Variants in VPS13B observed in about 807,000 individuals in gnomAD.
VPS13B encodes vacuolar protein sorting 13 homolog B.
In VPS13B, 285 loss-of-function variants were observed where a neutral mutation model predicts 426.4. The observed-to-expected ratio is 0.67, with a 90% CI of 0.61 to 0.74. VPS13B has a LOEUF of 0.74. Ranked by LOEUF, VPS13B falls within the 30% of genes least tolerant of loss-of-function variation. The pLI is 0.00. For missense variants in VPS13B, 4,537 were observed against 4,782.6 expected (o/e 0.95, Z 1.51); for synonymous variants, 1,676 against 1,676.4 (o/e 1.00, Z 0.01).
chr8:99,438,218 G>A (rs1198254313), intron 22 of VPS13B, among the ~76,000 whole-genome samples: 3 of 151,764 alleles, frequency 2.0e-5, no homozygotes, highest in African/African-American at 7.3e-5. Flanking sequence ...TGTCAGTCAG[G>A]GTGTCTCAAG....
intron 17 of VPS13B, among the ~76,000 whole-genome samples, chr8:99,249,667 C>T (rs1019821568): frequency 3.9e-5 from 6 of 152,168 alleles, no homozygotes; most frequent in South Asian, 2.1e-4. Flanking sequence ...TCATGATCCA[C>T]CCACCTTGGC....
intron 19 of VPS13B, among the ~76,000 whole-genome samples, chr8:99,331,348 G>A (rs1810531812): frequency 6.6e-6 from 1 of 151,664 alleles, no homozygotes; most frequent in Admixed American, 6.6e-5. Flanking sequence ...CTACTACATT[G>A]ACAGGTAAAT....
intron 33 of VPS13B, among the ~76,000 whole-genome samples, chr8:99,617,865 A>T (rs1316068642): frequency 6.6e-6 from 1 of 152,176 alleles, no homozygotes; most frequent in Non-Finnish European, 1.5e-5. Flanking sequence ...TTTGAAGTAG[A>T]AGAAATGTGT....
chr8:99,338,979 A>T (rs1204478546), intron 19 of VPS13B, among the ~76,000 whole-genome samples: 1 of 152,168 alleles, frequency 6.6e-6, no homozygotes, highest in African/African-American at 2.4e-5. Context: ...TCAATTTTTT[A>T]ATTTCCTCAT....
rs571863166 is a variant in VPS13B, at chr8:99,233,427, G to A, written c.2515+40370G>A. On this transcript the variant is annotated intron_variant, in intron 17 of 61. Transcript: ENST00000357162. The stretch of plus-strand genomic sequence containing the variant: ...TGGCGAGTCTTGCCAGCTGTTTGAT[G>A]TGTGCCCCTTTCTTCCCGATGATGG... 1.9e-5 allele frequency: 24 copies of A among 1,255,342 alleles called. 1 individual carries two copies. The East Asian group carries it at 3.5e-4, about 18-fold the overall frequency. 77.8% of individuals were successfully genotyped at this position (1,255,342 alleles called of 1,614,324 possible). A position where few individuals can be genotyped will look rare whatever the true frequency, so the allele number is the denominator to read the frequency against.
intron 19 of VPS13B, among the ~76,000 whole-genome samples, chr8:99,359,047 C>T (rs1250953359): frequency 6.6e-6 from 1 of 151,962 alleles, no homozygotes; most frequent in Non-Finnish European, 1.5e-5. Context: ...AACTTTTTCT[C>T]TAAATTACAT....
Position 99,532,950 on chromosome 8 carries a change from T to G in VPS13B, c.4745+11940T>G, listed in dbSNP as rs541571925. Among the ~76,000 whole-genome samples the G allele has an allele frequency of 8.7e-5, 13 of 149,420 alleles. No homozygotes were observed. In the East Asian group the frequency reaches 2.2e-3, roughly 25 times the overall value. ...AATTCACTGAGGGGTGTTTTTTTTTTTTTTTTTGAGATGGAGTCTCACTCC... is the reference window on the plus strand; with the variant it reads ...AATTCACTGAGGGGTGTTTTTTTTTGTTTTTTTGAGATGGAGTCTCACTCC... On this transcript the variant is annotated intron_variant, in intron 30 of 61. Transcript: ENST00000357162.
intron 51 of VPS13B, among the ~76,000 whole-genome samples, chr8:99,830,095 G>A (rs563645046): frequency 3.9e-5 from 6 of 152,234 alleles, no homozygotes. Context: ...CACTTGAGGA[G>A]GCAGTCTGTC....
At chr8:99,221,671 G>T (rs573110836) in intron 17 of VPS13B, among the ~76,000 whole-genome samples, 10 of 151,488 alleles carry the variant, frequency 6.6e-5, no homozygotes, top group Non-Finnish European at 1.3e-4. Flanking sequence ...AATTTTTTTT[G>T]GTGGCCAATT....
rs1016412306 is a variant in VPS13B at position 99,337,532 on chromosome 8, GA to G, written c.2825-46665del. Among the ~76,000 whole-genome samples the G allele has an allele frequency of 5.1e-3, 737 of 143,288 alleles. 2 individuals are homozygous for G. The highest frequency in any genetic ancestry group is 0.013 in the African/African-American group (517 of 39,292). The allele number at this position is 143,288 out of a possible 152,430, so 94.0% of individuals were successfully genotyped here. Reference sequence around the variant, plus strand: ...GTATAATAAAAAAGATTCCTAAGGGGAAAAAAAAAAAGAGTTGAAGGTCTTT... The same window carrying G: ...GTATAATAAAAAAGATTCCTAAGGGGAAAAAAAAAAGAGTTGAAGGTCTTT... On this transcript the variant is annotated intron_variant, in intron 19 of 61. Coordinates refer to ENST00000357162, the MANE Select transcript of VPS13B (RefSeq NM_152564.5).
chr8:99,751,573 A>G (rs189200232), intron 39 of VPS13B, among the ~76,000 whole-genome samples: 18 of 152,312 alleles, frequency 1.2e-4, no homozygotes, highest in African/African-American at 4.3e-4. Flanking sequence ...TTGTATCCCT[A>G]GTTTACACTT....
chr8:99,830,872 C>G (rs756833282), intron 51 of VPS13B, among the ~76,000 whole-genome samples: 1 of 152,074 alleles, frequency 6.6e-6, no homozygotes, highest in Non-Finnish European at 1.5e-5. Context: ...TGATCCCTTG[C>G]GCTTCCCGGG....
At chr8:99,480,720 T>C (rs1819990849) in intron 24 of VPS13B, among the ~76,000 whole-genome samples, 1 of 152,138 alleles carries the variant, frequency 6.6e-6, no homozygotes, top group Non-Finnish European at 1.5e-5. Flanking sequence ...CAAATGAGGA[T>C]TGACAATAGT....
chr8:99,484,822 GT>G, intron 25 of VPS13B, among the ~76,000 whole-genome samples: 1 of 150,346 alleles, frequency 6.7e-6, no homozygotes, highest in Non-Finnish European at 1.5e-5. Context: ...AACCATCTGG[GT>G]GACAGAGTGA....
intron 33 of VPS13B, among the ~76,000 whole-genome samples, chr8:99,637,061 A>G (rs930880341): frequency 6.6e-6 from 1 of 152,082 alleles, no homozygotes; most frequent in African/African-American, 2.4e-5. Flanking sequence ...CAGCAAGCAG[A>G]TACTGCTATT....
At chr8:99,015,215 A>AT (rs35213007) in intron 2 of VPS13B, among the ~76,000 whole-genome samples, 31,392 of 127,874 alleles carry the variant, frequency 0.25, 4,771 homozygotes, top group East Asian at 0.43. Flanking sequence ...TAACAGCTCA[A>AT]TTTTTTTTTT....
At chr8:99,100,794 G>A (rs533007608) in intron 4 of VPS13B, among the ~76,000 whole-genome samples, 1 of 152,040 alleles carries the variant, frequency 6.6e-6, no homozygotes, top group African/African-American at 2.4e-5. Flanking sequence ...TGTAATCCCA[G>A]TACTTTGGGA....
chr8:99,400,149 A>T (rs2133332973), intron 21 of VPS13B, among the ~76,000 whole-genome samples: 1 of 152,326 alleles, frequency 6.6e-6, no homozygotes, highest in East Asian at 1.9e-4. Flanking sequence ...AATTATGTTG[A>T]AAAATTGCTT....
At chr8:99,691,629 A>C (rs1831671455) in intron 35 of VPS13B, among the ~76,000 whole-genome samples, 2 of 151,586 alleles carry the variant, frequency 1.3e-5, no homozygotes, top group Admixed American at 1.3e-4. Flanking sequence ...AAGAAACTGC[A>C]TCAACTAACG....
Sources: allele counts gnomAD v4.1 joint callset (sites outside exome capture counted in the v4.1 genomes callset), GRCh38; gene constraint gnomAD v4.1.1; transcripts MANE v1.5; gene names NCBI Gene and HGNC (gene_info 2026-07-23, HGNC 2026-07-21).